The following OPCML variants were observed in gnomAD, a reference collection of about 807,000 sequenced individuals.
OPCML encodes the protein opioid-binding protein/cell adhesion molecule.
In OPCML, 13 loss-of-function variants were observed where a neutral mutation model predicts 37.8. The observed-to-expected ratio is 0.34, with a 90% CI of 0.22 to 0.55. The LOEUF (loss-of-function observed/expected upper bound fraction) is 0.55, where lower values mean the gene tolerates loss of function less well. OPCML is among the 20% of genes least tolerant of loss of function. The probability of loss-of-function intolerance (pLI) is 0.91; values close to 1 mark genes in which losing one functional copy is unlikely to be tolerated. For synonymous variants in OPCML, 176 were observed against 168.8 expected (o/e 1.04, Z -0.33); for missense variants, 341 against 435.6 (o/e 0.78, Z 1.93).
intron 2 of OPCML, among the ~76,000 whole-genome samples, chr11:132,778,546 AT>A (rs1946884695): frequency 6.6e-6 from 1 of 152,218 alleles, no homozygotes. Flanking sequence ...ATTCAGCAGC[AT>A]TTTACATCCG....
chr11:133,319,886 T>C (rs1943289734), intron 1 of OPCML, among the ~76,000 whole-genome samples: 1 of 152,214 alleles, frequency 6.6e-6, no homozygotes, highest in South Asian at 2.1e-4. Context: ...CTAATTTATT[T>C]GAGTAGTTCA....
chr11:133,483,795 T>TGATAGATAGATA (rs61121084), intron 1 of OPCML, among the ~76,000 whole-genome samples: 17,651 of 132,272 alleles, frequency 0.13, 1,262 homozygotes, highest in Middle Eastern at 0.21. Flanking sequence ...GATACATAGA[T>TGATAGATAGATA]GATAGATAGA....
At chr11:133,227,247 T>C (rs1940079861) in intron 1 of OPCML, among the ~76,000 whole-genome samples, 1 of 152,102 alleles carries the variant, frequency 6.6e-6, no homozygotes, top group Non-Finnish European at 1.5e-5. Flanking sequence ...CTGCACCGGC[T>C]CCTCACGGGC....
chr11:132,726,839 T>C (rs948261539), intron 2 of OPCML, among the ~76,000 whole-genome samples: 1 of 152,208 alleles, frequency 6.6e-6, no homozygotes, highest in African/African-American at 2.4e-5. Flanking sequence ...GTAAAGGACA[T>C]GGTTCCATGT....
intron 1 of OPCML, among the ~76,000 whole-genome samples, chr11:133,172,586 T>C (rs1473063493): frequency 1.3e-5 from 2 of 152,160 alleles, no homozygotes; most frequent in African/African-American, 2.4e-5. Flanking sequence ...GGTGGGAGAC[T>C]GTACCAGGCT....
At chr11:132,600,151 C>A (rs937644421) in intron 3 of OPCML, among the ~76,000 whole-genome samples, 3 of 152,106 alleles carry the variant, frequency 2.0e-5, no homozygotes, top group African/African-American at 7.2e-5. Flanking sequence ...CTTGACTGAA[C>A]CCTGGTGCTC....
chr11:132,998,651 T>C (rs1168919415), intron 1 of OPCML, among the ~76,000 whole-genome samples: 1 of 152,172 alleles, frequency 6.6e-6, no homozygotes, highest in African/African-American at 2.4e-5. Context: ...ATTTTATATG[T>C]GGAAATCTTG....
At chr11:132,990,075 G>C (rs1946748998) in intron 1 of OPCML, among the ~76,000 whole-genome samples, 1 of 152,162 alleles carries the variant, frequency 6.6e-6, no homozygotes, top group African/African-American at 2.4e-5. Context: ...AGGAACATAG[G>C]AGCTAGTGGA....
chr11:132,647,505 T>C (rs1941214273), intron 3 of OPCML, among the ~76,000 whole-genome samples: 1 of 152,218 alleles, frequency 6.6e-6, no homozygotes, highest in Non-Finnish European at 1.5e-5. Context: ...AAACAGTTGA[T>C]TAATGTATAT....
At chr11:133,486,859 T>A (rs1947537949) in intron 1 of OPCML, among the ~76,000 whole-genome samples, 2 of 144,052 alleles carry the variant, frequency 1.4e-5, no homozygotes, top group Admixed American at 1.4e-4. Flanking sequence ...CTCTTCTCTC[T>A]CTCTCTTTCC....
chr11:133,471,191 G>A (rs1947104361), intron 1 of OPCML, among the ~76,000 whole-genome samples: 1 of 152,218 alleles, frequency 6.6e-6, no homozygotes, highest in African/African-American at 2.4e-5. Flanking sequence ...GGATCACTGG[G>A]AGGTTGGAAT....
chr11:133,335,789 T>G (rs1788673093), intron 1 of OPCML, among the ~76,000 whole-genome samples: 2 of 152,088 alleles, frequency 1.3e-5, no homozygotes, highest in African/African-American at 4.8e-5. Context: ...TGCAGGCTAC[T>G]GGCAAGTGTA....
chr11:133,160,086 C>G (rs1159509706), intron 1 of OPCML, among the ~76,000 whole-genome samples: 1 of 152,222 alleles, frequency 6.6e-6, no homozygotes, highest in Non-Finnish European at 1.5e-5. Context: ...TGCTCTATTA[C>G]CTTTTTCTTT....
rs537445410 is a variant in OPCML, at chr11:132,490,990, G to A, written c.505+38071C>T. On this transcript the variant is annotated intron_variant, in intron 4 of 7. Coordinates refer to ENST00000524381, the MANE Select transcript of OPCML (RefSeq NM_001012393.5). ...CACAGGAACTCAGTTCAAAAGCCTCGGACTCACTTTTGAGTCCTCTCTTTC... is the reference window on the plus strand; with the variant it reads ...CACAGGAACTCAGTTCAAAAGCCTCAGACTCACTTTTGAGTCCTCTCTTTC... 3.4e-5 allele frequency among the ~76,000 whole-genome samples: 5 copies of A among 146,174 alleles called. No homozygotes were observed. The South Asian group carries it at 6.3e-4, about 18-fold the overall frequency.
At chr11:133,353,366 G>A (rs1944185971) in intron 1 of OPCML, among the ~76,000 whole-genome samples, 1 of 152,050 alleles carries the variant, frequency 6.6e-6, no homozygotes, top group South Asian at 2.1e-4. Flanking sequence ...CACTGTGTTG[G>A]CCAGGCTGGT....
chr11:132,502,242 A>C (rs547534744), intron 4 of OPCML, among the ~76,000 whole-genome samples: 44 of 152,288 alleles, frequency 2.9e-4, no homozygotes, highest in African/African-American at 1.1e-3. Context: ...TGAGTTCTAC[A>C]GGCTTCTCTC....
intron 1 of OPCML, among the ~76,000 whole-genome samples, chr11:133,076,177 A>G (rs1241894581): frequency 1.3e-5 from 2 of 151,864 alleles, no homozygotes; most frequent in East Asian, 3.9e-4. Flanking sequence ...TTTGTACTTC[A>G]TTTACTTAAT....
At chr11:133,129,867 T>C (rs1038889556) in intron 1 of OPCML, among the ~76,000 whole-genome samples, 3 of 152,104 alleles carry the variant, frequency 2.0e-5, no homozygotes, top group Non-Finnish European at 4.4e-5. Flanking sequence ...ATGATCACAC[T>C]ATTGCACTCC....
chr11:133,301,137 T>G (rs1005539583), intron 1 of OPCML: 1 of 152,214 alleles, frequency 6.6e-6, no homozygotes, highest in African/African-American at 2.4e-5. Flanking sequence ...AGCAGGATTC[T>G]AACAACTCTC....
Sources: allele counts gnomAD v4.1 joint callset (sites outside exome capture counted in the v4.1 genomes callset), GRCh38; gene constraint gnomAD v4.1.1; transcripts MANE v1.5; gene names NCBI Gene and HGNC (gene_info 2026-07-23, HGNC 2026-07-21).